Variants in NMT2 observed in about 807,000 individuals in gnomAD.
The protein encoded by NMT2 is glycylpeptide N-tetradecanoyltransferase 2.
In NMT2, 35 loss-of-function variants were observed where a neutral mutation model predicts 65.4. The observed-to-expected ratio is 0.54, with a 90% confidence interval of 0.41 to 0.71. The LOEUF (loss-of-function observed/expected upper bound fraction) is 0.71. NMT2 is among the 30% of genes least tolerant of loss of function. The pLI is 0.00. For synonymous variants in NMT2, 226 were observed against 231.8 expected (o/e 0.98, Z 0.23); for missense variants, 489 against 611.3 (o/e 0.80, Z 2.11).
chr10:15,117,578 G>A (rs1308265807), intron 9 of NMT2, among the ~76,000 whole-genome samples: 1 of 152,266 alleles, frequency 6.6e-6, no homozygotes, highest in African/African-American at 2.4e-5. Context: ...TAAAGGCATC[G>A]AGATTGGAAA....
chr10:15,119,648 C>G, intron 8 of NMT2, 135 bp from the exon 9 acceptor site: 2 of 659,580 alleles, frequency 3.0e-6, no homozygotes, highest in South Asian at 3.7e-5. Flanking sequence ...CAGAGCCTGG[C>G]CCTGCCCCAG....
intron 8 of NMT2, among the ~76,000 whole-genome samples, chr10:15,124,595 A>G (rs1342636190): frequency 6.6e-6 from 1 of 152,226 alleles, no homozygotes; most frequent in African/African-American, 2.4e-5. Flanking sequence ...AATGAGATTG[A>G]TCTATACAGC....
chr10:15,161,677 A>G (rs937045452), intron 1 of NMT2, among the ~76,000 whole-genome samples: 2 of 152,164 alleles, frequency 1.3e-5, no homozygotes, highest in African/African-American at 2.4e-5. Context: ...TGTGTTTTAT[A>G]AAGAACGATG....
chr10:15,119,936 CA>C (rs1845868839), intron 8 of NMT2, among the ~76,000 whole-genome samples: 1 of 152,160 alleles, frequency 6.6e-6, no homozygotes, highest in Admixed American at 6.6e-5. Flanking sequence ...GCCAACTTAG[CA>C]TGACTTCTGG....
intron 8 of NMT2, among the ~76,000 whole-genome samples, chr10:15,127,983 G>A (rs1589312136): frequency 6.6e-6 from 1 of 151,972 alleles, no homozygotes; most frequent in Non-Finnish European, 1.5e-5. Context: ...ATTTCCACTC[G>A]CTGGGTCTCT....
intron 9 of NMT2, among the ~76,000 whole-genome samples, chr10:15,114,014 G>T (rs1204451412): frequency 6.6e-6 from 1 of 152,164 alleles, no homozygotes; most frequent in Non-Finnish European, 1.5e-5. Flanking sequence ...ATTTCTTTCA[G>T]CAGAAAAGGA....
intron 1 of NMT2, among the ~76,000 whole-genome samples, chr10:15,144,305 A>G (rs1327553444): frequency 2.0e-5 from 3 of 152,204 alleles, no homozygotes; most frequent in Non-Finnish European, 4.4e-5. Context: ...CAATGATGAG[A>G]GGCAGAGCTT....
At position 15,128,399 on chromosome 10, in the gene NMT2, C is replaced by T. The variant is rs755533460; in HGVS notation, c.950G>A (p.Ser317Asn). The change falls in exon 8 of 12, where the codon AGT (serine) becomes AAT (asparagine). Residue 317 changes from serine (S) to asparagine (N), a missense_variant. Ser to Asn is a conservative substitution (Grantham distance 46, BLOSUM62 1). Coordinates refer to ENST00000378165, the MANE Select transcript of NMT2 (RefSeq NM_004808.3). ...TGTTCTCTGTAAAGTCATATTTCTA[C>T]TCAAGTGAGAAAATTTCACTTCTAC... is the stretch of plus-strand genomic sequence containing the variant. ...KLVEVKFSHL[S>N]RNMTLQRTMK... The T allele has an allele frequency of 4.3e-6, 7 of 1,611,016 alleles. No homozygotes were observed. The East Asian group carries it at 1.1e-4, about 26-fold the overall frequency.
chr10:15,134,899 T>A lies in NMT2; in HGVS notation c.391+375A>T, dbSNP rs539705296. Among the ~76,000 whole-genome samples, 11 of 152,186 alleles carry A rather than the reference T, an allele frequency of 7.2e-5. No individual in the cohort carries two copies. In the East Asian group the frequency reaches 9.7e-4, roughly 13 times the overall value. ...TGGGAGGCTGACATGGGAGGATGGA[T>A]CACTTGAGCCCAGGAGGTGGAGGCT... On this transcript the variant is annotated intron_variant, in intron 3 of 11. Coordinates refer to ENST00000378165, the MANE Select transcript of NMT2 (RefSeq NM_004808.3).
intron 1 of NMT2, among the ~76,000 whole-genome samples, chr10:15,146,075 T>C (rs1466461732): frequency 1.3e-5 from 2 of 152,156 alleles, no homozygotes; most frequent in African/African-American, 4.8e-5. Context: ...TTTAAAAAGA[T>C]TCCTCGGTCT....
Position 15,106,552 on chromosome 10 carries a change from T to G in NMT2, c.*2643A>C, listed in dbSNP as rs1457139758. 29 of 601,234 alleles carry G rather than the reference T, an allele frequency of 4.8e-5. No homozygotes were observed. The highest frequency in any genetic ancestry group is 7.3e-5 in the South Asian group (1 of 13,668). The allele number at this position is 601,234 out of a possible 1,614,324, so 37.2% of individuals were successfully genotyped here. On this transcript the variant is annotated 3_prime_UTR_variant, in exon 12 of 12. Transcript: ENST00000378165. The stretch of plus-strand genomic sequence containing the variant: ...AGTCTTCCATTATCTCCAAGAGAGG[T>G]CCTATATTATGTACTACTGTGGGGC...
chr10:15,114,275 A>T (rs1845670718), intron 9 of NMT2, among the ~76,000 whole-genome samples: 1 of 152,172 alleles, frequency 6.6e-6, no homozygotes, highest in Non-Finnish European at 1.5e-5. Flanking sequence ...TCCCCACCCC[A>T]TTTTCATCAT....
At chr10:15,160,718 G>C (rs540007818) in intron 1 of NMT2, among the ~76,000 whole-genome samples, 2 of 152,146 alleles carry the variant, frequency 1.3e-5, no homozygotes, top group Admixed American at 6.6e-5. Flanking sequence ...ACGTTGCAGT[G>C]AGCAAAGATG....
chr10:15,118,206 A>C (rs1273030012), intron 9 of NMT2, among the ~76,000 whole-genome samples: 2 of 152,344 alleles, frequency 1.3e-5, no homozygotes, highest in East Asian at 3.9e-4. Context: ...GGACCCAGAA[A>C]GGAACGCAAT....
intron 1 of NMT2, among the ~76,000 whole-genome samples, chr10:15,161,506 C>T (rs1001244025): frequency 6.6e-6 from 1 of 152,118 alleles, no homozygotes; most frequent in Non-Finnish European, 1.5e-5. Context: ...CATACGCCCG[C>T]CACCACACCT....
Position 15,108,574 on chromosome 10 carries a change from T to A in NMT2, c.*621A>T, listed in dbSNP as rs1050129655. On this transcript the variant is annotated 3_prime_UTR_variant, in exon 12 of 12. Transcript: ENST00000378165. Reference sequence around the variant, plus strand: ...ACCTGGTAAAGATCAAAGTACAAACTTGCATGTTTATTGATTCGGCAACTC... The same window carrying A: ...ACCTGGTAAAGATCAAAGTACAAACATGCATGTTTATTGATTCGGCAACTC... 1.0e-6 allele frequency: 1 copy of A among 985,924 alleles called. No homozygotes were observed. Among genetic ancestry groups the A allele is most frequent in the African/African-American group, 1.7e-5 (1 of 57,242 alleles). The allele number at this position is 985,924 out of a possible 1,614,324, so 61.1% of individuals were successfully genotyped here.
intron 1 of NMT2, among the ~76,000 whole-genome samples, chr10:15,165,185 C>T (rs1284042403): frequency 2.1e-5 from 3 of 144,368 alleles, no homozygotes; most frequent in Non-Finnish European, 4.5e-5. Context: ...AAAAATCATC[C>T]TCCAGGTCAC....
At chr10:15,138,004 C>CTTTTTTTTTT (rs374744946) in intron 2 of NMT2, among the ~76,000 whole-genome samples, 48 of 128,130 alleles carry the variant, frequency 3.7e-4, no homozygotes, top group Non-Finnish European at 4.3e-4. Context: ...TCTTCTTCTT[C>CTTTTTTTTTT]TTTTTTTTTT....
At chr10:15,168,322 A>C in intron 1 of NMT2, 181 bp downstream of exon 1, 5 of 291,900 alleles carry the variant, frequency 1.7e-5, no homozygotes, top group Non-Finnish European at 2.6e-5. Context: ...CTCCCCGCGC[A>C]CTGCACTCTC....
Sources: allele counts gnomAD v4.1 joint callset (sites outside exome capture counted in the v4.1 genomes callset), GRCh38; gene constraint gnomAD v4.1.1; transcripts MANE v1.5; gene names NCBI Gene and HGNC (gene_info 2026-07-23, HGNC 2026-07-21).